Variants in IGSF11 observed in about 807,000 individuals in gnomAD.
IGSF11 encodes the protein immunoglobulin superfamily member 11.
A neutral mutation model predicts 41.0 loss-of-function variants in IGSF11; 22 were observed. The ratio of observed to expected loss-of-function variants is 0.54; its 90% CI spans 0.38 to 0.77. IGSF11 has a LOEUF of 0.77. IGSF11 is among the 30% of genes least tolerant of loss of function. The probability of loss-of-function intolerance (pLI) is 0.00; values close to 1 mark genes in which losing one functional copy is unlikely to be tolerated. For missense variants in IGSF11, 444 were observed against 530.8 expected, an observed-to-expected ratio of 0.84 and a Z score of 1.61; for synonymous variants, 219 against 201.3, an observed-to-expected ratio of 1.09 and a Z score of -0.74.
chr3:119,042,493 C>A (rs1426274010), intron 1 of IGSF11, among the ~76,000 whole-genome samples: 1 of 152,106 alleles, frequency 6.6e-6, no homozygotes, highest in African/African-American at 2.4e-5. Context: ...CCTGTCACTG[C>A]TGGCTTTCCC....
intron 1 of IGSF11, among the ~76,000 whole-genome samples, chr3:118,932,015 G>A (rs900327559): frequency 6.6e-6 from 1 of 152,132 alleles, no homozygotes; most frequent in South Asian, 2.1e-4. Context: ...TTACAGGCGT[G>A]AGCCACCGCA....
intron 1 of IGSF11, among the ~76,000 whole-genome samples, chr3:119,055,221 T>C (rs1941780426): frequency 6.6e-6 from 1 of 151,996 alleles, no homozygotes; most frequent in South Asian, 2.1e-4. Context: ...ACCACAAAGA[T>C]GGGGAAAAAA....
At chr3:119,144,847 G>T (rs534740470) in intron 1 of IGSF11, among the ~76,000 whole-genome samples, 1 of 151,924 alleles carries the variant, frequency 6.6e-6, no homozygotes, top group East Asian at 1.9e-4. Flanking sequence ...TTTTCTTTAC[G>T]CTTTCTTTTT....
At chr3:118,907,858 A>G (rs1939799521) in intron 4 of IGSF11, among the ~76,000 whole-genome samples, 1 of 152,242 alleles carries the variant, frequency 6.6e-6, no homozygotes, top group African/African-American at 2.4e-5. Context: ...AAACCACATT[A>G]TTCTAGAGGA....
chr3:119,128,860 C>T (rs1411724683), intron 1 of IGSF11, among the ~76,000 whole-genome samples: 1 of 152,162 alleles, frequency 6.6e-6, no homozygotes, highest in African/African-American at 2.4e-5. Context: ...AAGACATATG[C>T]ACATGTATTT....
chr3:118,954,235 G>A (rs1944793991), intron 1 of IGSF11, among the ~76,000 whole-genome samples: 1 of 152,000 alleles, frequency 6.6e-6, no homozygotes, highest in South Asian at 2.1e-4. Flanking sequence ...CTTTATTTCT[G>A]GGTTCTCTAT....
At chr3:119,145,324 G>T (rs2077705927) in intron 1 of IGSF11, among the ~76,000 whole-genome samples, 1 of 152,060 alleles carries the variant, frequency 6.6e-6, no homozygotes, top group South Asian at 2.1e-4. Flanking sequence ...CCTCTGTACT[G>T]GCCTACTCCT....
chr3:119,051,435 T>G (rs957446533), intron 1 of IGSF11, among the ~76,000 whole-genome samples: 1 of 152,156 alleles, frequency 6.6e-6, no homozygotes, highest in Non-Finnish European at 1.5e-5. Context: ...ATCACAATTC[T>G]AAATATACAT....
chr3:119,029,210 G>A (rs1233665176), intron 1 of IGSF11, among the ~76,000 whole-genome samples: 11 of 54,478 alleles, frequency 2.0e-4, no homozygotes, highest in Middle Eastern at 8.8e-3. Flanking sequence ...ACACACACAC[G>A]GTAGACATGG....
chr3:119,107,730 T>G (rs905993588), upstream of IGSF11, among the ~76,000 whole-genome samples: 34 of 152,328 alleles, frequency 2.2e-4, no homozygotes, highest in East Asian at 3.9e-4. Flanking sequence ...GGTCTAACAT[T>G]TAAGTCTTTA....
intron 1 of IGSF11, among the ~76,000 whole-genome samples, chr3:118,993,870 G>A (rs1936023289): frequency 2.6e-5 from 4 of 152,122 alleles, no homozygotes; most frequent in Admixed American, 2.6e-4. Context: ...CAAGGGTGTG[G>A]GAAGTGAATA....
At chr3:118,985,086 A>T (rs1935118231) in intron 1 of IGSF11, among the ~76,000 whole-genome samples, 1 of 152,192 alleles carries the variant, frequency 6.6e-6, no homozygotes, top group South Asian at 2.1e-4. Context: ...AATAATAATA[A>T]ATTACTTTAA....
intron 1 of IGSF11, among the ~76,000 whole-genome samples, chr3:119,026,750 A>G (rs1244052803): frequency 6.6e-6 from 1 of 152,242 alleles, no homozygotes; most frequent in Non-Finnish European, 1.5e-5. Context: ...CAAAATGGTC[A>G]TCCCAAAGTA....
rs1054462457 is a variant in IGSF11, at chr3:119,046,084, C to T, written c.49+59060G>A. 2.6e-3 allele frequency among the ~76,000 whole-genome samples: 394 copies of T among 151,404 alleles called. 3 individuals are homozygous for T. The highest frequency in any genetic ancestry group is 9.3e-3 in the African/African-American group (382 of 41,146). On this transcript the variant is annotated intron_variant, in intron 1 of 6. Transcript: ENST00000354673. ...AAACTGGAAACTCTAAAAATCAGAGCGCCTCTCCACCTCCAAAGGAACGCA... is the reference window on the plus strand; with the variant it reads ...AAACTGGAAACTCTAAAAATCAGAGTGCCTCTCCACCTCCAAAGGAACGCA...
At chr3:119,015,652 T>C (rs1938600701) in intron 1 of IGSF11, among the ~76,000 whole-genome samples, 1 of 152,192 alleles carries the variant, frequency 6.6e-6, no homozygotes, top group Non-Finnish European at 1.5e-5. Context: ...CAAATGTCTT[T>C]AGTCTATTTT....
chr3:119,142,308 T>C (rs2077660825), intron 1 of IGSF11, among the ~76,000 whole-genome samples: 1 of 148,772 alleles, frequency 6.7e-6, no homozygotes, highest in Non-Finnish European at 1.5e-5. Context: ...TGTCTGCATG[T>C]ATTGGACATC....
chr3:119,066,455 A>G (rs923934065), intron 1 of IGSF11, among the ~76,000 whole-genome samples: 1 of 152,226 alleles, frequency 6.6e-6, no homozygotes, highest in South Asian at 2.1e-4. Flanking sequence ...TCCCAACTCT[A>G]TCTTCTCTCT....
At chr3:118,931,295 T>C (rs1458547855) in intron 1 of IGSF11, among the ~76,000 whole-genome samples, 1 of 152,250 alleles carries the variant, frequency 6.6e-6, no homozygotes, top group African/African-American at 2.4e-5. Flanking sequence ...CAATTTCGTT[T>C]ACTAGGAATC....
At chr3:119,112,793 A>T (rs2107522071) in intron 1 of IGSF11, 1 of 152,410 alleles carries the variant, frequency 6.6e-6, no homozygotes, top group East Asian at 1.9e-4. Context: ...TGATGAACAC[A>T]TAGTGTATTA....
Sources: allele counts gnomAD v4.1 joint callset (sites outside exome capture counted in the v4.1 genomes callset), GRCh38; gene constraint gnomAD v4.1.1; transcripts MANE v1.5; gene names NCBI Gene and HGNC (gene_info 2026-07-23, HGNC 2026-07-21).